The following LASP1 variants were observed in gnomAD, a reference collection of about 807,000 sequenced individuals.
LASP1 encodes LIM and SH3 domain protein 1.
In LASP1, 10 loss-of-function variants were observed where a neutral mutation model predicts 38.6. The observed-to-expected ratio is 0.26, with a 90% CI of 0.16 to 0.44. The LOEUF (loss-of-function observed/expected upper bound fraction) is 0.44. LASP1 is among the 20% of genes least tolerant of loss of function. The probability of loss-of-function intolerance (pLI) is 1.00; values close to 1 mark genes in which losing one functional copy is unlikely to be tolerated. For synonymous variants in LASP1, 132 were observed against 140.8 expected, an observed-to-expected ratio of 0.94 and a Z score of 0.44; for missense variants, 243 against 375.7, an observed-to-expected ratio of 0.65 and a Z score of 2.92.
In LASP1 at chr17:38,870,274, GGAGACGCGTCTTTGCAATCCCCC is replaced by G; in HGVS notation, c.69+18_69+40del. 1 of 1,613,082 alleles carries G rather than the reference GGAGACGCGTCTTTGCAATCCCCC, an allele frequency of 6.2e-7. No homozygotes were observed. On this transcript the variant is annotated intron_variant, in intron 1 of 6. Coordinates refer to ENST00000318008, the MANE Select transcript of LASP1 (RefSeq NM_006148.4). ...TCTGGATAAGGTGAGCCCGGGACCG[GGAGACGCGTCTTTGCAATCCCCC>G]GCAGTGCTCCGAATCCAGGGAGGAG...
At chr17:38,885,913 T>A (rs998971620) in intron 2 of LASP1, among the ~76,000 whole-genome samples, 5 of 152,106 alleles carry the variant, frequency 3.3e-5, no homozygotes, top group Admixed American at 3.3e-4. Context: ...GGTGCAGCAC[T>A]GATGTTCTCA....
At position 38,878,106 on chromosome 17, in the gene LASP1, C is replaced by T. The variant is rs533471690; in HGVS notation, c.90C>T (p.Phe30=). The change falls in exon 2 of 7, where the codon TTC becomes TTT. Residue 30 remains phenylalanine (F), a synonymous_variant. Transcript: ENST00000318008. The part of the protein sequence containing the change: ...CLDKFWHKAC[F]HCETCKMTLN... The stretch of plus-strand genomic sequence containing the variant: ...CCCAGTTCTGGCATAAAGCATGCTT[C>T]CATTGCGAGACCTGCAAGATGACAC... 2 of 1,613,814 alleles carry T rather than the reference C, an allele frequency of 1.2e-6. No individual in the cohort carries two copies. Among genetic ancestry groups the T allele is most frequent in the East Asian group, 2.2e-5 (1 of 44,868 alleles).
At chr17:38,907,781 G>T (rs559842931) in intron 4 of LASP1, among the ~76,000 whole-genome samples, 1 of 152,340 alleles carries the variant, frequency 6.6e-6, no homozygotes, top group African/African-American at 2.4e-5. Context: ...TAAGAAGCAA[G>T]ATCAGTTTCC....
At chr17:38,903,908 T>C (rs529331259) in intron 4 of LASP1, 7 of 152,352 alleles carry the variant, frequency 4.6e-5, no homozygotes, top group South Asian at 2.1e-4. Flanking sequence ...GATGGGTCCA[T>C]GCTATGGGAT....
chr17:38,872,736 A>T (rs768114133), intron 1 of LASP1, among the ~76,000 whole-genome samples: 7 of 152,132 alleles, frequency 4.6e-5, no homozygotes, highest in Non-Finnish European at 1.0e-4. Context: ...TTTCTCTACA[A>T]TCCCCCATGG....
intron 2 of LASP1, among the ~76,000 whole-genome samples, chr17:38,885,336 G>T (rs1914087483): frequency 6.6e-6 from 1 of 152,206 alleles, no homozygotes. Context: ...ATGTGCACAG[G>T]ACTCAGTGTG....
chr17:38,914,466 A>G lies in LASP1; in HGVS notation c.499A>G (p.Ser167Gly). 6.2e-7 allele frequency: 1 copy of G among 1,605,514 alleles called. No homozygotes were observed. Among genetic ancestry groups the G allele is most frequent in the Non-Finnish European group, 8.5e-7 (1 of 1,176,540 alleles). Reference protein sequence around the residue: ...EQQQPHHIPTSAPVYQQPQQQ... With the variant: ...EQQQPHHIPTGAPVYQQPQQQ... Reference sequence around the variant, plus strand: ...GCAGCAGCCTCACCACATCCCGACCAGTGCCCCGGGTGAGTGCAGGTCCTG... The same window carrying G: ...GCAGCAGCCTCACCACATCCCGACCGGTGCCCCGGGTGAGTGCAGGTCCTG... Residue 167 changes from serine (S) to glycine (G), a missense_variant, in exon 5 of 7, where the codon AGT becomes GGT. Coordinates refer to ENST00000318008, the MANE Select transcript of LASP1 (RefSeq NM_006148.4).
At chr17:38,881,154 T>C (rs1031398636) in intron 2 of LASP1, among the ~76,000 whole-genome samples, 1 of 152,190 alleles carries the variant, frequency 6.6e-6, no homozygotes, top group Non-Finnish European at 1.5e-5. Flanking sequence ...CCCAGGGATG[T>C]TGGACCCTAG....
At chr17:38,886,762 C>G (rs199763492) in intron 2 of LASP1, among the ~76,000 whole-genome samples, 4 of 151,994 alleles carry the variant, frequency 2.6e-5, no homozygotes, top group Non-Finnish European at 5.9e-5. Context: ...AGGCGCCCAT[C>G]GGTGCAGAGG....
At chr17:38,885,593 T>G (rs1030264469) in intron 2 of LASP1, among the ~76,000 whole-genome samples, 2 of 152,204 alleles carry the variant, frequency 1.3e-5, no homozygotes, top group Admixed American at 6.5e-5. Flanking sequence ...GGCTGGCCTA[T>G]GGGACAAAGG....
chr17:38,892,992 CGTGTAT>C (rs1166048340), intron 3 of LASP1, among the ~76,000 whole-genome samples: 3 of 135,028 alleles, frequency 2.2e-5, no homozygotes, highest in Non-Finnish European at 3.5e-5. Context: ...CGCATGCACG[CGTGTAT>C]GTGTGTGTGT....
rs899457098 is a variant in LASP1, at chr17:38,876,176, C to CTTT, written c.70-1892_70-1890dup. The stretch of plus-strand genomic sequence containing the variant: ...ACGTGGAGCCTGTTAGATCGTTTCT[C>CTTT]TTTTTTTTTTTTTTTTTTTTGAGAC... On this transcript the variant is annotated intron_variant, in intron 1 of 6. Transcript: ENST00000318008. Among the ~76,000 whole-genome samples, 100 of 127,626 alleles carry CTTT rather than the reference C, an allele frequency of 7.8e-4. 1 individual carries two copies. The highest frequency in any genetic ancestry group is 2.7e-3 in the African/African-American group (88 of 32,238). 83.7% of individuals were successfully genotyped at this position (127,626 alleles called of 152,430 possible).
At position 38,891,233 on chromosome 17, in the gene LASP1, G is replaced by C. The variant is rs367568621; in HGVS notation, c.249+729G>C. 2.6e-5 allele frequency among the ~76,000 whole-genome samples: 4 copies of C among 152,116 alleles called. No individual in the cohort carries two copies. In the East Asian group the frequency reaches 7.7e-4, roughly 29 times the overall value. On this transcript the variant is annotated intron_variant, in intron 3 of 6. Coordinates refer to ENST00000318008, the MANE Select transcript of LASP1 (RefSeq NM_006148.4). The stretch of plus-strand genomic sequence containing the variant: ...TGGGGCGGGGCTTCAGCCGATGAAG[G>C]ATTAGGCGCGAGAATACATGTAGGG...
At chr17:38,888,936 A>G (rs887773235) in intron 2 of LASP1, among the ~76,000 whole-genome samples, 1 of 152,166 alleles carries the variant, frequency 6.6e-6, no homozygotes, top group African/African-American at 2.4e-5. Flanking sequence ...CATGAACTGA[A>G]GAAATCGTCT....
At chr17:38,907,084 C>T (rs977493784) in intron 4 of LASP1, among the ~76,000 whole-genome samples, 1 of 152,214 alleles carries the variant, frequency 6.6e-6, no homozygotes, top group Admixed American at 6.5e-5. Flanking sequence ...ACATCCCCCT[C>T]ATGTGCCTAT....
rs1176966385 is a variant in LASP1, at chr17:38,918,787, C to T, written c.*9C>T. ...ACGTGGAGGCCATCTGAACCCGCAG[C>T]GCCCCCATCTGTCTTCAGCACATTC... On this transcript the variant is annotated 3_prime_UTR_variant, in exon 7 of 7. Transcript: ENST00000318008. This position sits in a 1 kb window ranked among gnomAD's most constrained non-coding sequence, Gnocchi z 4.4. The T allele has an allele frequency of 3.1e-6, 5 of 1,613,038 alleles. No individual in the cohort carries two copies. Among genetic ancestry groups the T allele is most frequent in the South Asian group, 1.1e-5 (1 of 91,072 alleles).
At chr17:38,875,271 G>A (rs1363876063) in intron 1 of LASP1, among the ~76,000 whole-genome samples, 3 of 152,082 alleles carry the variant, frequency 2.0e-5, no homozygotes, top group Admixed American at 6.5e-5. Context: ...CCAGTTACTC[G>A]GGGAGGGAGT....
At chr17:38,893,718 TGCCTCAAGCTGGGGGCTGG>T (rs1174659301) in intron 3 of LASP1, among the ~76,000 whole-genome samples, 1 of 152,212 alleles carries the variant, frequency 6.6e-6, no homozygotes. Context: ...CAAACCCAGT[TGCCTCAAGCTGGGGGCTGG>T]GCCTGATGCT....
At position 38,902,372 on chromosome 17, in the gene LASP1, CTTTTTTTT is replaced by C. The variant is rs34801327; in HGVS notation, c.357+3869_357+3876del. 4.7e-5 allele frequency among the ~76,000 whole-genome samples: 4 copies of C among 84,290 alleles called. No homozygotes were observed. In the Admixed American group the frequency reaches 5.5e-4, roughly 12 times the overall value. The allele number at this position is 84,290 out of a possible 152,430, so 55.3% of individuals were successfully genotyped here. On this transcript the variant is annotated intron_variant, in intron 4 of 6. Coordinates refer to ENST00000318008, the MANE Select transcript of LASP1 (RefSeq NM_006148.4). The stretch of plus-strand genomic sequence containing the variant: ...CACCTCACCTGGCCTCCCAGGGGAG[CTTTTTTTT>C]TTTTTTTTTTTTTTTAATCAGAGAC...
Sources: gnomAD v4.1 joint callset for allele counts (sites outside exome capture counted in the v4.1 genomes callset) on GRCh38, gnomAD v4.1.1 for gene constraint, Gnocchi (gnomAD v3.1) non-coding constraint, MANE v1.5 for transcripts, NCBI Gene and HGNC (gene_info 2026-07-23, HGNC 2026-07-21) for gene names.